The following PRH1 variants were observed in gnomAD, a reference collection of about 807,000 sequenced individuals.
PRH1 encodes the protein proline rich protein HaeIII subfamily 1.
A neutral mutation model predicts 7.9 loss-of-function variants in PRH1; 7 were observed. That is an observed-to-expected ratio of 0.89 (90% CI 0.50 to 1.67). The LOEUF is 1.67. Among genes scored for constraint, PRH1 ranks in the 40% most tolerant of loss-of-function variants. PRH1 has a pLI of 0.00. For synonymous variants in PRH1, 45 were observed against 80.8 expected, an observed-to-expected ratio of 0.56 and a Z score of 2.38; for missense variants, 109 against 223.6, an observed-to-expected ratio of 0.49 and a Z score of 3.27.
chr12:10,997,096 G>C, intron 1 of PRH1: 1 of 1,614,046 alleles, frequency 6.2e-7, no homozygotes, highest in South Asian at 1.1e-5. Context: ...AAAGCATTAA[G>C]ACAATTTCTT....
intron 1 of PRH1, among the ~76,000 whole-genome samples, chr12:11,068,343 G>A (rs1371886366): frequency 6.6e-6 from 1 of 152,112 alleles, no homozygotes; most frequent in East Asian, 1.9e-4. Context: ...TATACTGAAT[G>A]TATTTTTCCA....
intron 1 of PRH1, among the ~76,000 whole-genome samples, chr12:11,063,861 C>A (rs2136187664): frequency 6.6e-6 from 1 of 152,088 alleles, no homozygotes; most frequent in African/African-American, 2.4e-5. Context: ...ACTTCAACTC[C>A]CTTAGAGTTG....
intron 1 of PRH1, chr12:11,030,402 G>A: frequency 6.2e-7 from 1 of 1,611,902 alleles, no homozygotes; most frequent in African/African-American, 1.3e-5. Flanking sequence ...CCCCTCTCAT[G>A]AATCTATGGA....
At chr12:10,954,180 A>G (rs1356677975) in intron 2 of PRH1, among the ~76,000 whole-genome samples, 1 of 152,200 alleles carries the variant, frequency 6.6e-6, no homozygotes, top group African/African-American at 2.4e-5. Flanking sequence ...ATAGACCAGT[A>G]TACTATAAAG....
chr12:10,997,060 T>C (rs1211571312), intron 1 of PRH1: 11 of 1,614,068 alleles, frequency 6.8e-6, no homozygotes, highest in African/African-American at 1.3e-5. Flanking sequence ...AGTGGAATGA[T>C]GGATATATGA....
At chr12:11,017,242 C>A (rs781059009) in intron 1 of PRH1, among the ~76,000 whole-genome samples, 2 of 152,164 alleles carry the variant, frequency 1.3e-5, no homozygotes, top group Admixed American at 6.6e-5. Context: ...CACTTCTGCT[C>A]TCAGTTTAAT....
intron 1 of PRH1, among the ~76,000 whole-genome samples, chr12:11,170,720 T>C (rs1030274138): frequency 1.3e-5 from 2 of 152,250 alleles, no homozygotes; most frequent in Non-Finnish European, 2.9e-5. Context: ...ATGTATGTCC[T>C]TATGTATATA....
intron 1 of PRH1, among the ~76,000 whole-genome samples, chr12:11,055,824 A>C (rs1180498330): frequency 1.3e-5 from 2 of 152,196 alleles, no homozygotes; most frequent in Non-Finnish European, 2.9e-5. Flanking sequence ...AGCTCGGTCA[A>C]AACTAGAATC....
intron 2 of PRH1, among the ~76,000 whole-genome samples, chr12:10,969,858 G>A (rs1252765616): frequency 6.6e-6 from 1 of 152,066 alleles, no homozygotes; most frequent in Non-Finnish European, 1.5e-5. Flanking sequence ...AGAGTGCCAT[G>A]GTACAATCTC....
intron 1 of PRH1, among the ~76,000 whole-genome samples, chr12:11,095,036 C>T (rs536309694): frequency 1.2e-4 from 6 of 50,404 alleles, no homozygotes; most frequent in African/African-American, 3.2e-4. Flanking sequence ...TAGGTGCAAT[C>T]CTACATGTTC....
At chr12:10,891,795 T>C (rs749656178) in intron 2 of PRH1, 3 of 152,194 alleles carry the variant, frequency 2.0e-5, no homozygotes, top group Non-Finnish European at 2.9e-5. Flanking sequence ...CATGTGCAAG[T>C]AGTGGTGTCT....
At chr12:11,005,284 A>C (rs1940774915) in intron 1 of PRH1, among the ~76,000 whole-genome samples, 2 of 152,190 alleles carry the variant, frequency 1.3e-5, no homozygotes, top group Admixed American at 6.5e-5. Flanking sequence ...ATTTGCTAGC[A>C]TGCAAATAAA....
intron 1 of PRH1, among the ~76,000 whole-genome samples, chr12:11,153,511 T>C (rs747199923): frequency 6.6e-6 from 1 of 152,172 alleles, no homozygotes; most frequent in Non-Finnish European, 1.5e-5. Flanking sequence ...TGGAGGATCT[T>C]GAACCCCTAA....
At chr12:10,895,564 G>A (rs778827967) in intron 2 of PRH1, 1 of 152,150 alleles carries the variant, frequency 6.6e-6, no homozygotes, top group Non-Finnish European at 1.5e-5. Flanking sequence ...TGAGGAAATA[G>A]AAGACACTGA....
At chr12:11,031,429 TG>T in intron 1 of PRH1, 6 of 1,436,574 alleles carry the variant, frequency 4.2e-6, no homozygotes, top group Non-Finnish European at 5.6e-6. Flanking sequence ...ACTTCAAAAA[TG>T]GAGCCACCGA....
At chr12:10,967,114 CAAAAAAAAAAA>C (rs35838979) in intron 2 of PRH1, among the ~76,000 whole-genome samples, 1 of 99,344 alleles carries the variant, frequency 1.0e-5, no homozygotes, top group Non-Finnish European at 2.0e-5. Context: ...GACTCCGTCT[CAAAAAAAAAAA>C]AAAAAAAAAA....
chr12:11,169,010 A>G (rs560479408), intron 1 of PRH1, among the ~76,000 whole-genome samples: 144 of 152,350 alleles, frequency 9.5e-4, no homozygotes, highest in African/African-American at 3.4e-3. Flanking sequence ...GCATTAGCAC[A>G]AGTTAATGGT....
At chr12:11,107,682 C>T (rs939058567) in intron 1 of PRH1, among the ~76,000 whole-genome samples, 1 of 152,186 alleles carries the variant, frequency 6.6e-6, no homozygotes, top group Admixed American at 6.5e-5. Flanking sequence ...CTATGGTACT[C>T]GCATTAGGGT....
chr12:11,137,147 C>G (rs1386006980), intron 1 of PRH1, among the ~76,000 whole-genome samples: 1 of 152,110 alleles, frequency 6.6e-6, no homozygotes, highest in Admixed American at 6.6e-5. Context: ...CACTAGATCT[C>G]AAAATGTCAT....
Sources: allele counts gnomAD v4.1 joint callset (sites outside exome capture counted in the v4.1 genomes callset), GRCh38; gene constraint gnomAD v4.1.1; transcripts MANE v1.5; gene names NCBI Gene and HGNC (gene_info 2026-07-23, HGNC 2026-07-21).